The following WWOX variants were observed in gnomAD, a reference collection of about 807,000 sequenced individuals.
WWOX encodes WW domain containing oxidoreductase.
WWOX carries 69 observed loss-of-function variants against 46.2 expected under a neutral mutation model. The ratio of observed to expected loss-of-function variants is 1.49; its 90% CI spans 1.23 to 1.82. WWOX has a LOEUF of 1.82. Ranked by LOEUF, WWOX falls within the 40% of genes most tolerant of loss-of-function variation. The probability of loss-of-function intolerance (pLI) is 0.00; values close to 1 mark genes in which losing one functional copy is unlikely to be tolerated. For synonymous variants in WWOX, 359 were observed against 202.6 expected, an observed-to-expected ratio of 1.77 and a Z score of -6.56; for missense variants, 919 against 542.6, an observed-to-expected ratio of 1.69 and a Z score of -6.89.
intron 8 of WWOX, among the ~76,000 whole-genome samples, chr16:78,887,840 T>G (rs1374022858): frequency 2.6e-5 from 4 of 152,224 alleles, no homozygotes; most frequent in Non-Finnish European, 4.4e-5. Context: ...TCTCTTTAAG[T>G]GTTTAACAGT....
rs575263543 is a variant in WWOX, at chr16:78,349,560, T to G, written c.517-37300T>G. On this transcript the variant is annotated intron_variant, in intron 5 of 8. Coordinates refer to ENST00000566780, the MANE Select transcript of WWOX (RefSeq NM_016373.4). ...TGATGTGAGATTACATGGCCCTGAC[T>G]GTCTTGCCTGGTGCTGCAGGCCACC... Among the ~76,000 whole-genome samples the G allele has an allele frequency of 6.6e-5, 8 of 120,928 alleles. No individual in the cohort carries two copies. The East Asian group carries it at 1.5e-3, about 23-fold the overall frequency. The allele number at this position is 120,928 out of a possible 152,430, so 79.3% of individuals were successfully genotyped here. A position where few individuals can be genotyped will look rare whatever the true frequency, so the allele number is the denominator to read the frequency against.
intron 5 of WWOX, among the ~76,000 whole-genome samples, chr16:78,328,430 G>T (rs540108662): frequency 6.6e-6 from 1 of 152,268 alleles, no homozygotes; most frequent in South Asian, 2.1e-4. Context: ...AAGAATCATA[G>T]ATTTTTATTT....
At chr16:78,700,956 G>T (rs186125360) in intron 8 of WWOX, among the ~76,000 whole-genome samples, 12 of 152,316 alleles carry the variant, frequency 7.9e-5, no homozygotes, top group African/African-American at 2.6e-4. Flanking sequence ...AGGGCTCTCA[G>T]TGGGTGTTGT....
At chr16:78,745,789 A>G (rs765574933) in intron 8 of WWOX, among the ~76,000 whole-genome samples, 28 of 149,402 alleles carry the variant, frequency 1.9e-4, no homozygotes, top group Non-Finnish European at 3.5e-4. Flanking sequence ...AATAGTTCCA[A>G]GACCAGAGTT....
At chr16:78,326,570 T>C (rs995387842) in intron 5 of WWOX, among the ~76,000 whole-genome samples, 1,363 of 9,724 alleles carry the variant, frequency 0.14, 6 homozygotes, top group South Asian at 0.23. Flanking sequence ...CTGCCTGCCC[T>C]CCCCCCGCCC....
intron 8 of WWOX, among the ~76,000 whole-genome samples, chr16:79,211,281 A>T (rs2051735475): frequency 2.0e-5 from 3 of 152,218 alleles, no homozygotes; most frequent in Non-Finnish European, 4.4e-5. Context: ...TTGCACGTTC[A>T]GAAGGATACC....
intron 8 of WWOX, among the ~76,000 whole-genome samples, chr16:79,121,881 G>C (rs1028707148): frequency 6.6e-6 from 1 of 152,132 alleles, no homozygotes; most frequent in Non-Finnish European, 1.5e-5. Context: ...AAGAGGTCGT[G>C]TGTGTGTTTG....
At position 79,084,634 on chromosome 16, in the gene WWOX, T is replaced by C. The variant is rs1259371996; in HGVS notation, c.1057-126974T>C. On this transcript the variant is annotated intron_variant, in intron 8 of 8. Coordinates refer to ENST00000566780, the MANE Select transcript of WWOX (RefSeq NM_016373.4). ...TTCACCATATTGGTCAGACTGGTCT[T>C]GGACTCCTGGCCTCGTGATGCACCC... Among the ~76,000 whole-genome samples, 8 of 152,310 alleles carry C rather than the reference T, an allele frequency of 5.3e-5. No individual in the cohort carries two copies. In the East Asian group the frequency reaches 1.5e-3, roughly 29 times the overall value.
intron 8 of WWOX, among the ~76,000 whole-genome samples, chr16:79,046,032 C>G (rs558295091): frequency 5.9e-5 from 9 of 151,982 alleles, no homozygotes; most frequent in African/African-American, 2.2e-4. Context: ...GAGCTCCTGA[C>G]CTCAGATGAT....
chr16:78,762,057 C>T (rs191075677), intron 8 of WWOX, among the ~76,000 whole-genome samples: 16 of 152,320 alleles, frequency 1.1e-4, no homozygotes, highest in Non-Finnish European at 1.9e-4. Context: ...TTGGTGTCAA[C>T]TCTGTGCTGG....
chr16:78,898,518 G>A (rs774384608), intron 8 of WWOX: 30 of 151,978 alleles, frequency 2.0e-4, no homozygotes, highest in East Asian at 1.3e-3. Context: ...TATACTTACT[G>A]CTCGATTGCC....
intron 8 of WWOX, among the ~76,000 whole-genome samples, chr16:79,072,859 GTAGCTGTTTTCTGGCCTGAAT>G (rs2048577497): frequency 6.6e-6 from 1 of 152,274 alleles, no homozygotes; most frequent in South Asian, 2.1e-4. Context: ...CAGAATGTGT[GTAGCTGTTTTCTGGCCTGAAT>G]TTGGGCTGAG....
intron 8 of WWOX, among the ~76,000 whole-genome samples, chr16:78,473,577 C>CATACTTATCTCTGAGCAGAT (rs2084282862): frequency 6.6e-6 from 1 of 152,252 alleles, no homozygotes; most frequent in South Asian, 2.1e-4. Flanking sequence ...TGTGAGCAGA[C>CATACTTATCTCTGAGCAGAT]GTGATTCAGG....
chr16:78,698,590 T>C (rs563859101), intron 8 of WWOX, among the ~76,000 whole-genome samples: 151 of 152,318 alleles, frequency 9.9e-4, no homozygotes, highest in African/African-American at 3.5e-3. Flanking sequence ...TTATGCTACA[T>C]TTCTAATATT....
chr16:79,047,667 T>A (rs1410787939), intron 8 of WWOX, among the ~76,000 whole-genome samples: 1 of 143,454 alleles, frequency 7.0e-6, no homozygotes, highest in Non-Finnish European at 1.5e-5. Flanking sequence ...CCTGAGACTG[T>A]CCTGATTTTT....
At chr16:78,649,486 A>T (rs1256823726) in intron 8 of WWOX, among the ~76,000 whole-genome samples, 2 of 151,930 alleles carry the variant, frequency 1.3e-5, no homozygotes, top group Admixed American at 1.3e-4. Context: ...TCTGTTGCCC[A>T]GGCTGGTGTT....
At chr16:78,317,836 G>C (rs1383797976) in intron 5 of WWOX, among the ~76,000 whole-genome samples, 2 of 152,074 alleles carry the variant, frequency 1.3e-5, no homozygotes, top group African/African-American at 2.4e-5. Flanking sequence ...AATGAGAGTG[G>C]ACAGTGAGAC....
chr16:78,310,411 C>G (rs2080217872), intron 5 of WWOX, among the ~76,000 whole-genome samples: 6 of 152,220 alleles, frequency 3.9e-5, no homozygotes. Context: ...ATAACAAACA[C>G]ATGCTGATTA....
At chr16:78,107,007 C>T (rs779202111) in intron 1 of WWOX, among the ~76,000 whole-genome samples, 26 of 152,172 alleles carry the variant, frequency 1.7e-4, no homozygotes, top group Non-Finnish European at 1.2e-4. Flanking sequence ...AGACCAGAAG[C>T]CAGCAGTTCA....
Sources: allele counts gnomAD v4.1 joint callset (sites outside exome capture counted in the v4.1 genomes callset), GRCh38; gene constraint gnomAD v4.1.1; transcripts MANE v1.5; gene names NCBI Gene and HGNC (gene_info 2026-07-23, HGNC 2026-07-21).